XKRX: variants seen among roughly 807,000 people sequenced by gnomAD.
The protein encoded by XKRX is XK-related protein 2.
XKRX carries 11 observed loss-of-function variants against 22.4 expected under a neutral mutation model. The ratio of observed to expected loss-of-function variants is 0.49; its 90% CI spans 0.31 to 0.81. The LOEUF is 0.81. XKRX is among the 40% of genes least tolerant of loss of function. The pLI is 0.05. For missense variants in XKRX, 320 were observed against 336.5 expected, an observed-to-expected ratio of 0.95 and a Z score of 0.38; for synonymous variants, 114 against 132.2, an observed-to-expected ratio of 0.86 and a Z score of 0.94.
chrX:100,932,096 C>T (rs2085523427), upstream of XKRX, among the ~76,000 whole-genome samples: 1 of 111,454 alleles, frequency 9.0e-6, no homozygotes, highest in Non-Finnish European at 1.9e-5. Context: ...GTCATCTGAT[C>T]ACCCTCACCC....
At chrX:100,942,108 A>G in the XKRX span, among the ~76,000 whole-genome samples, 1 of 111,441 alleles carries the variant, frequency 9.0e-6, no homozygotes, top group South Asian at 3.8e-4. Context: ...TCGGCCTCCC[A>G]AAGTGCTGGG....
chrX:100,909,770 G>C (rs191894135), downstream of XKRX, among the ~76,000 whole-genome samples: 1 of 109,828 alleles, frequency 9.1e-6, no homozygotes, highest in African/African-American at 3.3e-5. Flanking sequence ...GGGCATGATG[G>C]CGGGTGCCTG....
the XKRX span, among the ~76,000 whole-genome samples, chrX:100,890,252 G>A: frequency 1.8e-5 from 2 of 110,263 alleles, no homozygotes; most frequent in Non-Finnish European, 3.8e-5. Context: ...AGAGGTAGGC[G>A]AGGGCCATAA....
upstream of XKRX, chrX:100,928,956 C>T: frequency 2.0e-6 from 1 of 487,831 alleles, no homozygotes; most frequent in Non-Finnish European, 2.5e-6. Flanking sequence ...TCGGATTCCC[C>T]CAAGCCCCGC....
At chrX:100,920,718 C>T (rs1026739628) in intron 2 of XKRX, among the ~76,000 whole-genome samples, 8 of 112,248 alleles carry the variant, frequency 7.1e-5, no homozygotes, top group Admixed American at 4.7e-4. Context: ...TGTGCAAATA[C>T]AATTACTTAT....
intron 1 of XKRX, among the ~76,000 whole-genome samples, chrX:100,927,102 C>T (rs1204417): frequency 0.24 from 25,900 of 110,164 alleles, 2,474 homozygotes; most frequent in African/African-American, 0.32. Context: ...AGACCAGGCG[C>T]GGTGGCTCAC....
chrX:100,931,964 T>G, upstream of XKRX, among the ~76,000 whole-genome samples: 1 of 111,673 alleles, frequency 9.0e-6, no homozygotes, highest in Middle Eastern at 4.6e-3. Flanking sequence ...GCACCAAAAT[T>G]ATTTCAAGTA....
chrX:100,893,676 G>A, the XKRX span, among the ~76,000 whole-genome samples: 3 of 112,129 alleles, frequency 2.7e-5, no homozygotes, highest in Admixed American at 9.4e-5. Flanking sequence ...CATGGATGCA[G>A]CTGAAGGCCA....
chrX:100,941,886 T>C, the XKRX span, among the ~76,000 whole-genome samples: 1 of 111,193 alleles, frequency 9.0e-6, no homozygotes, highest in East Asian at 2.8e-4. Flanking sequence ...ACTCAGCGTT[T>C]CTTTTCTTTT....
chrX:100,900,816 G>A, the XKRX span, among the ~76,000 whole-genome samples: 2 of 94,902 alleles, frequency 2.1e-5, no homozygotes, highest in Non-Finnish European at 4.2e-5. Context: ...TTGAGACAGA[G>A]TCTTGTTCTG....
chrX:100,936,961 T>A, the XKRX span, among the ~76,000 whole-genome samples: 8,224 of 106,771 alleles, frequency 0.077, 327 homozygotes, highest in Admixed American at 0.13. Flanking sequence ...AAGCACAGGG[T>A]CTGTGGGAGC....
At chrX:100,948,982 G>A in the XKRX span, among the ~76,000 whole-genome samples, 1 of 112,733 alleles carries the variant, frequency 8.9e-6, no homozygotes, top group African/African-American at 3.2e-5. Flanking sequence ...GAAGGGGTCT[G>A]GCAGTGAGGT....
chrX:100,888,336 G>A, the XKRX span: 2 of 705,435 alleles, frequency 2.8e-6, no homozygotes, highest in Non-Finnish European at 2.2e-6. Context: ...GTTCTCCTTG[G>A]TTCCACAACT....
rs1233668692 is a variant in XKRX at position 100,924,278 on chromosome X, C to T, written c.336-1217G>A. Among the ~76,000 whole-genome samples the T allele has an allele frequency of 9.9e-5, 11 of 111,242 alleles. No homozygotes were observed. In the Admixed American group the frequency reaches 1.1e-3, roughly 11 times the overall value. ...CAAAGCAACAAAAGTACTTAAAAGA[C>T]GACAACTCAAACCTGAATGAACTAC... On this transcript the variant is annotated intron_variant, in intron 1 of 2. Transcript: ENST00000372956.
chrX:100,957,573 A>G, the XKRX span: 1 of 855,238 alleles, frequency 1.2e-6, no homozygotes. Flanking sequence ...GTGAACCGCA[A>G]ACCAGCACTA....
rs373047450 is a variant in XKRX at position 100,927,159 on chromosome X, C to T, written c.335+811G>A. Among the ~76,000 whole-genome samples the T allele has an allele frequency of 3.0e-4, 33 of 110,424 alleles. No homozygotes were observed. In the South Asian group the frequency reaches 4.0e-3, roughly 13 times the overall value. ...GATCACTTGAGCCCAGTCTACATAA[C>T]GAGATCCCGTCTCTACAAAAAAAAT... is the stretch of plus-strand genomic sequence containing the variant. On this transcript the variant is annotated intron_variant, in intron 1 of 2. Transcript: ENST00000372956.
chrX:100,922,872 T>C lies in XKRX; in HGVS notation c.525A>G (p.Gln175=). 8.3e-7 allele frequency: 1 copy of C among 1,211,359 alleles called. No homozygotes were observed. Among genetic ancestry groups the C allele is most frequent in the Non-Finnish European group, 1.1e-6 (1 of 895,429 alleles). ...GCTGGGGCACTGAGCCCAGGAAGGC[T>C]TGGATCTGTGACATACGTTTGTAGG... is the stretch of plus-strand genomic sequence containing the variant. ...RNAYKRMSQI[Q]AFLGSVPQLT... is the part of the protein sequence containing the mutation. The change falls in exon 2 of 3, where the codon CAA becomes CAG. Residue 175 remains glutamine (Q), a synonymous_variant. Transcript: ENST00000372956.
chrX:100,912,992 G>A (rs190298299), downstream of XKRX, among the ~76,000 whole-genome samples: 167 of 110,663 alleles, frequency 1.5e-3, 1 homozygote, highest in African/African-American at 5.2e-3. Flanking sequence ...GAGGTCAGGA[G>A]TTCGAGACCA....
At chrX:100,891,324 C>T in the XKRX span, among the ~76,000 whole-genome samples, 2 of 110,870 alleles carry the variant, frequency 1.8e-5, no homozygotes, top group Non-Finnish European at 3.8e-5. Context: ...TTTTTCACAG[C>T]AATAATAATA....
Sources: gnomAD v4.1 joint callset for allele counts (sites outside exome capture counted in the v4.1 genomes callset) on GRCh38, gnomAD v4.1.1 for gene constraint, MANE v1.5 for transcripts, NCBI Gene and HGNC (gene_info 2026-07-23, HGNC 2026-07-21) for gene names.